The following INSYN2B variants were observed in gnomAD, a reference collection of about 807,000 sequenced individuals.
INSYN2B encodes the protein inhibitory synaptic factor family member 2B, also known as protein INSYN2B.
Under a neutral mutation model 41.2 loss-of-function variants are expected in INSYN2B, and 16 were observed. That is an observed-to-expected ratio of 0.39 (90% CI 0.26 to 0.59). The LOEUF is 0.59. INSYN2B is among the 20% of genes least tolerant of loss of function. INSYN2B has a pLI of 0.57. For missense variants in INSYN2B, 608 were observed against 646.4 expected, an observed-to-expected ratio of 0.94 and a Z score of 0.64; for synonymous variants, 245 against 244.4, an observed-to-expected ratio of 1.00 and a Z score of -0.02.
intron 1 of INSYN2B, among the ~76,000 whole-genome samples, chr5:169,929,996 TTTTG>T (rs1409837993): frequency 6.6e-6 from 1 of 152,162 alleles, no homozygotes; most frequent in African/African-American, 2.4e-5. Flanking sequence ...TATTTATTTA[TTTTG>T]TTTATTTTTG....
intron 3 of INSYN2B, chr5:169,875,355 C>T (rs1235308078): frequency 6.6e-6 from 3 of 456,210 alleles, no homozygotes; most frequent in Non-Finnish European, 1.3e-5. Flanking sequence ...TCCACGACCA[C>T]GCTTTGGGAG....
chr5:169,965,225 A>G (rs1343746016), intron 1 of INSYN2B, among the ~76,000 whole-genome samples: 1 of 152,194 alleles, frequency 6.6e-6, no homozygotes, highest in Non-Finnish European at 1.5e-5. Flanking sequence ...TTAAATTTCC[A>G]TGGGCCTAAT....
At chr5:169,940,662 C>A (rs1315089927) in intron 1 of INSYN2B, among the ~76,000 whole-genome samples, 1 of 152,152 alleles carries the variant, frequency 6.6e-6, no homozygotes, top group East Asian at 1.9e-4. Context: ...CCCTCACATG[C>A]ACAGTTCACA....
Position 169,927,852 on chromosome 5 carries a change from A to G in INSYN2B, c.-918-43036T>C, listed in dbSNP as rs373165335. On this transcript the variant is annotated intron_variant, in intron 1 of 3. Coordinates refer to ENST00000377365, the MANE Select transcript of INSYN2B (RefSeq NM_001129891.3). Reference sequence around the variant, plus strand: ...AGGATGGTCTCAATCTCCTGACCTCATGATCCACCCGTCTCGGCCTCCCAA... The same window carrying G: ...AGGATGGTCTCAATCTCCTGACCTCGTGATCCACCCGTCTCGGCCTCCCAA... 3.3e-4 allele frequency among the ~76,000 whole-genome samples: 50 copies of G among 152,232 alleles called. 1 individual carries two copies. The highest frequency in any genetic ancestry group is 2.1e-3 in the South Asian group (10 of 4,814).
At chr5:169,899,698 C>T (rs1773810935) in intron 1 of INSYN2B, among the ~76,000 whole-genome samples, 1 of 152,138 alleles carries the variant, frequency 6.6e-6, no homozygotes, top group Admixed American at 6.5e-5. Context: ...ATGGTATTGC[C>T]ATCCAAAGTG....
intron 1 of INSYN2B, among the ~76,000 whole-genome samples, chr5:169,903,099 A>G (rs914957629): frequency 8.6e-5 from 13 of 151,826 alleles, no homozygotes; most frequent in African/African-American, 3.1e-4. Context: ...TCCATCTCAA[A>G]AAAAAAAGAA....
At chr5:169,898,533 ACAACAAC>A (rs2113568454) in intron 1 of INSYN2B, among the ~76,000 whole-genome samples, 1 of 86,450 alleles carries the variant, frequency 1.2e-5, no homozygotes, top group African/African-American at 1.5e-4. Flanking sequence ...ACACAAAACA[ACAACAAC>A]AACAACAACA....
At chr5:169,875,283 C>G (rs1296922581) in intron 3 of INSYN2B, 1 of 456,612 alleles carries the variant, frequency 2.2e-6, no homozygotes, top group African/African-American at 2.0e-5. Flanking sequence ...GATTCAGTGG[C>G]TTTGGGGCTG....
intron 1 of INSYN2B, among the ~76,000 whole-genome samples, chr5:169,966,546 T>C (rs1482436169): frequency 2.0e-5 from 3 of 152,172 alleles, no homozygotes; most frequent in Admixed American, 6.5e-5. Context: ...ACAGCAATAA[T>C]TGGAGGAGCT....
At chr5:169,920,650 C>G (rs2113649729) in intron 1 of INSYN2B, among the ~76,000 whole-genome samples, 1 of 152,304 alleles carries the variant, frequency 6.6e-6, no homozygotes, top group Non-Finnish European at 1.5e-5. Context: ...GGTGATAGCT[C>G]AGCCCCAGTG....
At chr5:169,955,395 G>C (rs554485627) in intron 1 of INSYN2B, among the ~76,000 whole-genome samples, 1 of 152,262 alleles carries the variant, frequency 6.6e-6, no homozygotes, top group South Asian at 2.1e-4. Flanking sequence ...GGAAGGGAGA[G>C]AGAGAGAGAG....
At chr5:169,972,298 G>A (rs960241478) in intron 1 of INSYN2B, among the ~76,000 whole-genome samples, 1 of 152,094 alleles carries the variant, frequency 6.6e-6, no homozygotes, top group Non-Finnish European at 1.5e-5. Context: ...TTATCATTTA[G>A]TATCATAATG....
At chr5:169,970,040 T>C (rs546316769) in intron 1 of INSYN2B, among the ~76,000 whole-genome samples, 2 of 152,260 alleles carry the variant, frequency 1.3e-5, no homozygotes, top group African/African-American at 2.4e-5. Context: ...TGAGGATCTC[T>C]GGCTACAGTG....
chr5:169,969,306 G>A (rs1162617823), intron 1 of INSYN2B, among the ~76,000 whole-genome samples: 2 of 152,052 alleles, frequency 1.3e-5, no homozygotes, highest in Non-Finnish European at 2.9e-5. Context: ...TTAGCTGGGT[G>A]TGGTGTGGGG....
chr5:169,938,722 A>G (rs971470570), intron 1 of INSYN2B, among the ~76,000 whole-genome samples: 4 of 152,160 alleles, frequency 2.6e-5, no homozygotes, highest in Admixed American at 1.3e-4. Context: ...TTTATTAAAA[A>G]TATTTTTTCT....
At chr5:169,937,345 T>A in intron 1 of INSYN2B, among the ~76,000 whole-genome samples, 1 of 152,186 alleles carries the variant, frequency 6.6e-6, no homozygotes, top group East Asian at 1.9e-4. Flanking sequence ...GGATCTATGG[T>A]TCCCTGGGTG....
intron 1 of INSYN2B, among the ~76,000 whole-genome samples, chr5:169,910,913 A>G (rs1383427127): frequency 1.3e-5 from 2 of 152,148 alleles, no homozygotes; most frequent in Non-Finnish European, 2.9e-5. Flanking sequence ...TCAGAACACT[A>G]TCCTCACAAG....
In INSYN2B at chr5:169,883,110, G is replaced by A. The variant is rs370562223; in HGVS notation, c.789C>T (p.Ser263=). Residue 263 remains serine (S), a synonymous_variant, in exon 2 of 4, where the codon AGC becomes AGT. Transcript: ENST00000377365. ...CTGTGCCTGGTGTGTGGCTGGCAACGCTGGTGGCATTTAAGCAGGAGGTGG... is the reference window on the plus strand; with the variant it reads ...CTGTGCCTGGTGTGTGGCTGGCAACACTGGTGGCATTTAAGCAGGAGGTGG... The part of the protein sequence containing the change: ...EKSTSCLNAT[S]VASHTPGTEE... 104 of 1,551,666 alleles carry A rather than the reference G, an allele frequency of 6.7e-5. 2 individuals are homozygous for A. In the African/African-American group the frequency reaches 1.1e-3, roughly 16 times the overall value.
intron 1 of INSYN2B, among the ~76,000 whole-genome samples, chr5:169,928,638 T>C (rs1775593945): frequency 6.6e-6 from 1 of 152,122 alleles, no homozygotes. Flanking sequence ...AGACAAACTT[T>C]TAAAAGAGGC....
Sources: allele counts gnomAD v4.1 joint callset (sites outside exome capture counted in the v4.1 genomes callset), GRCh38; gene constraint gnomAD v4.1.1; transcripts MANE v1.5; gene names NCBI Gene and HGNC (gene_info 2026-07-23, HGNC 2026-07-21).